Variants in C8orf34 observed in about 807,000 individuals in gnomAD.
C8orf34 encodes chromosome 8 open reading frame 34, also known as uncharacterized protein C8orf34.
Under a neutral mutation model 68.3 loss-of-function variants are expected in C8orf34, and 65 were observed. That is an observed-to-expected ratio of 0.95 (90% CI 0.78 to 1.17). The LOEUF is 1.17. Among genes scored for constraint, C8orf34 ranks in the 50% most tolerant of loss-of-function variants. The pLI, the probability that C8orf34 is intolerant of heterozygous loss-of-function variation, is 0.00. For missense variants in C8orf34, 664 were observed against 655.4 expected, an observed-to-expected ratio of 1.01 and a Z score of -0.14; for synonymous variants, 244 against 241.2, an observed-to-expected ratio of 1.01 and a Z score of -0.11.
At chr8:68,517,715 C>CT (rs1327678722) in intron 5 of C8orf34, among the ~76,000 whole-genome samples, 1 of 152,142 alleles carries the variant, frequency 6.6e-6, no homozygotes, top group Non-Finnish European at 1.5e-5. Flanking sequence ...ACTCTAAAAC[C>CT]TTTTTCACTC....
chr8:68,481,173 G>A (rs995052393), intron 4 of C8orf34, among the ~76,000 whole-genome samples: 1 of 152,170 alleles, frequency 6.6e-6, no homozygotes, highest in Non-Finnish European at 1.5e-5. Context: ...TACAATGTGG[G>A]CTGTGGCTTC....
chr8:68,643,074 G>T (rs530525646), intron 8 of C8orf34, among the ~76,000 whole-genome samples: 4 of 152,280 alleles, frequency 2.6e-5, no homozygotes, highest in East Asian at 1.9e-4. Context: ...ATGGCCTGGG[G>T]GTTGGGGACC....
At chr8:68,376,184 C>CATAAAATAAA (rs55750047) in intron 1 of C8orf34, among the ~76,000 whole-genome samples, 2,476 of 145,822 alleles carry the variant, frequency 0.017, 55 homozygotes, top group African/African-American at 0.045. Context: ...AAAAGGCAGA[C>CATAAAATAAA]ATAAAATAAA....
At chr8:68,624,721 G>C (rs1157288134) in intron 7 of C8orf34, among the ~76,000 whole-genome samples, 1 of 152,098 alleles carries the variant, frequency 6.6e-6, no homozygotes, top group Admixed American at 6.5e-5. Flanking sequence ...GACAGTTCCT[G>C]CCCTCCTGGG....
At chr8:68,416,680 G>A (rs1345556248) in intron 1 of C8orf34, among the ~76,000 whole-genome samples, 1 of 151,868 alleles carries the variant, frequency 6.6e-6, no homozygotes, top group African/African-American at 2.4e-5. Flanking sequence ...ACAGGTAGAT[G>A]TCACCATGCC....
chr8:68,751,099 GA>G (rs748145690), intron 10 of C8orf34, among the ~76,000 whole-genome samples: 8 of 152,150 alleles, frequency 5.3e-5, no homozygotes, highest in Non-Finnish European at 1.5e-5. Flanking sequence ...AAAGAAGGCA[GA>G]AGGACCTGGA....
intron 1 of C8orf34, among the ~76,000 whole-genome samples, chr8:68,360,397 A>G (rs1806933032): frequency 2.0e-5 from 3 of 152,202 alleles, no homozygotes; most frequent in Admixed American, 6.5e-5. Context: ...TACTTTTTAA[A>G]CAGGAGTCTG....
chr8:68,400,343 T>G (rs1053268163), intron 1 of C8orf34, among the ~76,000 whole-genome samples: 1 of 152,124 alleles, frequency 6.6e-6, no homozygotes, highest in Non-Finnish European at 1.5e-5. Context: ...GATTTTTGTA[T>G]CTGGTAGGAG....
chr8:68,488,121 A>C, intron 5 of C8orf34, 70 bp downstream of exon 5: 1 of 1,129,828 alleles, frequency 8.9e-7, no homozygotes. Context: ...TCTCAACATA[A>C]ATAAATTTTC....
Position 68,378,256 on chromosome 8 carries a change from C to T in C8orf34, c.327+46917C>T, listed in dbSNP as rs560959908. Among the ~76,000 whole-genome samples the T allele has an allele frequency of 1.3e-3, 195 of 152,074 alleles. 1 individual carries two copies. Among genetic ancestry groups the T allele is most frequent in the Non-Finnish European group, 2.0e-3 (134 of 68,000 alleles). ...CTTCAGAAAAAATTCCTTGCCCATG[C>T]CTTGATTTGTTGGCAGGGTTAAATT... is the stretch of plus-strand genomic sequence containing the variant. On this transcript the variant is annotated intron_variant, in intron 1 of 13. Transcript: ENST00000518698.
chr8:68,810,899 C>T (rs2129529926), intron 12 of C8orf34, among the ~76,000 whole-genome samples: 1 of 152,264 alleles, frequency 6.6e-6, no homozygotes, highest in East Asian at 1.9e-4. Context: ...CATGCGTGCG[C>T]CTAGGAGAAG....
At chr8:68,421,343 A>T (rs1412783442) in intron 1 of C8orf34, among the ~76,000 whole-genome samples, 1 of 152,204 alleles carries the variant, frequency 6.6e-6, no homozygotes, top group Non-Finnish European at 1.5e-5. Context: ...TATACCTCAG[A>T]TTGGGAGCCA....
At chr8:68,755,530 C>T (rs571023311) in intron 10 of C8orf34, among the ~76,000 whole-genome samples, 2 of 152,304 alleles carry the variant, frequency 1.3e-5, no homozygotes, top group South Asian at 4.1e-4. Flanking sequence ...GTTGTAGAAA[C>T]TGCTGCCGGG....
At chr8:68,606,522 T>C (rs1212186169) in intron 7 of C8orf34, among the ~76,000 whole-genome samples, 1 of 152,150 alleles carries the variant, frequency 6.6e-6, no homozygotes, top group Non-Finnish European at 1.5e-5. Flanking sequence ...GGTTGCTGTA[T>C]TTTAAGAGAT....
chr8:68,565,948 T>A (rs1816575528), intron 7 of C8orf34, among the ~76,000 whole-genome samples: 1 of 152,144 alleles, frequency 6.6e-6, no homozygotes. Flanking sequence ...ATACAAATTA[T>A]ACAAAAATAG....
At chr8:68,451,334 C>G (rs529417867) in intron 3 of C8orf34, among the ~76,000 whole-genome samples, 9 of 152,238 alleles carry the variant, frequency 5.9e-5, no homozygotes, top group Admixed American at 1.3e-4. Context: ...ACTGGAATAG[C>G]ACTTATAATT....
chr8:68,662,042 A>G (rs1487659954), intron 8 of C8orf34, among the ~76,000 whole-genome samples: 1 of 152,156 alleles, frequency 6.6e-6, no homozygotes, highest in Non-Finnish European at 1.5e-5. Context: ...GTCCCGCAAA[A>G]TATGAAACTC....
At chr8:68,782,219 C>T (rs1241182390) in intron 11 of C8orf34, among the ~76,000 whole-genome samples, 1 of 152,092 alleles carries the variant, frequency 6.6e-6, no homozygotes, top group African/African-American at 2.4e-5. Flanking sequence ...TTAAAAACTG[C>T]AGCAGTGTGA....
At chr8:68,516,195 G>A (rs1814505653) in intron 5 of C8orf34, among the ~76,000 whole-genome samples, 2 of 152,154 alleles carry the variant, frequency 1.3e-5, no homozygotes, top group Non-Finnish European at 1.5e-5. Context: ...TGTTGTCTGG[G>A]AATCATTTAC....
Sources: gnomAD v4.1 joint callset for allele counts (sites outside exome capture counted in the v4.1 genomes callset) on GRCh38, gnomAD v4.1.1 for gene constraint, MANE v1.5 for transcripts, NCBI Gene and HGNC (gene_info 2026-07-23, HGNC 2026-07-21) for gene names.